SLC4A7: variants seen among roughly 807,000 people sequenced by gnomAD.
SLC4A7 encodes the protein solute carrier family 4 member 7.
SLC4A7 carries 51 observed loss-of-function variants against 137.6 expected under a neutral mutation model. That is an observed-to-expected ratio of 0.37 (90% confidence interval 0.30 to 0.47). SLC4A7 has a LOEUF of 0.47. Ranked by LOEUF, SLC4A7 falls within the 20% of genes least tolerant of loss-of-function variation. The pLI, the probability that SLC4A7 is intolerant of heterozygous loss-of-function variation, is 1.00. For synonymous variants in SLC4A7, 542 were observed against 518.6 expected, an observed-to-expected ratio of 1.05 and a Z score of -0.61; for missense variants, 1,247 against 1,525.4, an observed-to-expected ratio of 0.82 and a Z score of 3.04.
chr3:27,467,888 T>C (rs2059075030), intron 1 of SLC4A7, among the ~76,000 whole-genome samples: 1 of 152,238 alleles, frequency 6.6e-6, no homozygotes, highest in South Asian at 2.1e-4. Flanking sequence ...AAGCTGTACA[T>C]TTAATTTCAT....
At chr3:27,457,895 A>ACACT (rs2058494834) in intron 1 of SLC4A7, among the ~76,000 whole-genome samples, 1 of 152,172 alleles carries the variant, frequency 6.6e-6, no homozygotes, top group Non-Finnish European at 1.5e-5. Context: ...TGGGTAACAA[A>ACACT]CACTATCAGT....
At chr3:27,396,304 G>A (rs2052156192) in intron 18 of SLC4A7, among the ~76,000 whole-genome samples, 1 of 151,918 alleles carries the variant, frequency 6.6e-6, no homozygotes, top group Admixed American at 6.6e-5. Flanking sequence ...TCCTTGATTT[G>A]CTTCCTCAAG....
At chr3:27,390,326 AATTT>A (rs1389113887) in intron 21 of SLC4A7, 1 of 403,356 alleles carries the variant, frequency 2.5e-6, no homozygotes, top group Non-Finnish European at 4.4e-6. Context: ...GCACTGCTGT[AATTT>A]ATTTAATCAG....
At position 27,424,057 on chromosome 3, in the gene SLC4A7, T is replaced by C. The variant is rs746291192; in HGVS notation, c.1246A>G (p.Ser416Gly). 1.9e-6 allele frequency: 3 copies of C among 1,592,086 alleles called. No homozygotes were observed. The highest frequency in any genetic ancestry group is 3.3e-5 in the Admixed American group (2 of 59,770). Residue 416 changes from serine to glycine, a missense_variant, in exon 8 of 26, where the codon AGT becomes GGT. Ser to Gly is a moderately conservative substitution (Grantham distance 56). Transcript: ENST00000454389. ...ATTACCTTGCTGAAGTCAACAGTAC[T>C]ATTTTCTCTGCTTCCACCACTTCCA... ...GNGSGGSREN[S>G]TVDFSKVDMN...
intron 11 of SLC4A7, 88 bp downstream of exon 11, chr3:27,418,398 T>C (rs1221047819): frequency 9.7e-7 from 1 of 1,027,992 alleles, no homozygotes; most frequent in East Asian, 2.7e-5. Context: ...GGATAAAACT[T>C]CTCTGTTTTG....
intron 1 of SLC4A7, among the ~76,000 whole-genome samples, chr3:27,476,759 G>C (rs1409712720): frequency 6.6e-6 from 1 of 152,062 alleles, no homozygotes; most frequent in African/African-American, 2.4e-5. Context: ...AGTCCTCCTA[G>C]CCATGCTTCT....
At position 27,398,177 on chromosome 3, in the gene SLC4A7, T is replaced by TA. The variant is rs2052388570; in HGVS notation, c.2589+14_2589+15insT. ...TATGAATATTACCAGAATTCCAAAA[T>TA]TATATCACAGTTACCTTGGTAGGAA... On this transcript the variant is annotated intron_variant, in intron 17 of 25. Transcript: ENST00000454389. 6.3e-7 allele frequency: 1 copy of TA among 1,579,316 alleles called. No homozygotes were observed. Among genetic ancestry groups the TA allele is most frequent in the South Asian group, 1.2e-5 (1 of 86,500 alleles).
chr3:27,427,434 C>T (rs1258942743), intron 7 of SLC4A7, among the ~76,000 whole-genome samples: 2 of 151,708 alleles, frequency 1.3e-5, no homozygotes, highest in Non-Finnish European at 2.9e-5. Flanking sequence ...GCTACCATGC[C>T]CAGCCACAAG....
intron 20 of SLC4A7, 78 bp downstream of exon 20, chr3:27,394,440 T>C: frequency 7.8e-7 from 1 of 1,279,550 alleles, no homozygotes; most frequent in Non-Finnish European, 1.1e-6. Flanking sequence ...TTTAAGTATA[T>C]TTTAATGTTT....
At chr3:27,403,677 A>G (rs2053031500) in intron 14 of SLC4A7, among the ~76,000 whole-genome samples, 1 of 152,156 alleles carries the variant, frequency 6.6e-6, no homozygotes, top group African/African-American at 2.4e-5. Flanking sequence ...TAAATATTTC[A>G]AAATCATTAC....
intron 1 of SLC4A7, among the ~76,000 whole-genome samples, chr3:27,458,805 G>A (rs974642725): frequency 2.0e-5 from 3 of 151,912 alleles, no homozygotes; most frequent in Non-Finnish European, 4.4e-5. Context: ...CCTGGCCAAC[G>A]TGGTGAAACC....
chr3:27,372,828 A>T lies in SLC4A7; in HGVS notation c.*3936T>A, dbSNP rs2049648351. 6.5e-6 allele frequency: 1 copy of T among 152,676 alleles called. No individual in the cohort carries two copies. Among genetic ancestry groups the T allele is most frequent in the Non-Finnish European group, 1.5e-5 (1 of 68,044 alleles). The allele number at this position is 152,676 out of a possible 1,614,324, so 9.5% of individuals were successfully genotyped here. A position where few individuals can be genotyped will look rare whatever the true frequency, so the allele number is the denominator to read the frequency against. ...AATTTGAAAGGCAGGATGATTCACA[A>T]TATAGACCCAGTAGAGGCTTATACT... On this transcript the variant is annotated 3_prime_UTR_variant, in exon 26 of 26. Transcript: ENST00000454389.
chr3:27,390,030 C>T lies in SLC4A7; in HGVS notation c.3261G>A (p.Pro1087=), dbSNP rs747613260. ...QPDLIYLRYV[P]LWKVHIFTVI... is the part of the protein sequence containing the mutation. ...CTGTGAAAATATGGACCTTCCAGAG[C>T]GGCACATAACGGAGGTATATCAAAT... The change falls in exon 22 of 26, where the codon CCG becomes CCA. Residue 1087 remains proline, a synonymous_variant. Transcript: ENST00000454389. The T allele has an allele frequency of 1.5e-5, 24 of 1,611,974 alleles. No homozygotes were observed. The highest frequency in any genetic ancestry group is 1.1e-4 in the East Asian group (5 of 44,858).
chr3:27,420,714 G>T lies in SLC4A7; in HGVS notation c.1498C>A (p.Leu500Ile), dbSNP rs758507833. 1 of 1,611,158 alleles carries T rather than the reference G, an allele frequency of 6.2e-7. No homozygotes were observed. The highest frequency in any genetic ancestry group is 8.5e-7 in the Non-Finnish European group (1 of 1,177,404). ...YHEIGRSIAT[L>I]MTDEIFHDVA... ...ATTCTGATTACCTCATCTGTCATGA[G>T]AGTGGCTATTGATCGTCCAATTTCA... The change falls in exon 10 of 26, where the codon CTC becomes ATC. Residue 500 changes from leucine (L) to isoleucine (I), a missense_variant. By Grantham distance (5) the Leu-to-Ile change is conservative. This residue lies in a region of SLC4A7 where 499 missense variants were observed against 664.2 expected (regional missense o/e 0.75). Coordinates refer to ENST00000454389, the MANE Select transcript of SLC4A7 (RefSeq NM_001321103.2).
chr3:27,421,563 T>C (rs1000729355), intron 9 of SLC4A7, 59 bp downstream of exon 9: 2 of 1,334,222 alleles, frequency 1.5e-6, no homozygotes, highest in African/African-American at 1.5e-5. Context: ...ATTCGCTGGA[T>C]TAAAAACTTG....
chr3:27,473,588 G>A (rs1044672700), intron 1 of SLC4A7, among the ~76,000 whole-genome samples: 8 of 150,718 alleles, frequency 5.3e-5, no homozygotes, highest in African/African-American at 1.7e-4. Context: ...CGTGCCTGTA[G>A]TCCCAGCTAC....
chr3:27,407,110 C>CTTT (rs11312328), intron 13 of SLC4A7, among the ~76,000 whole-genome samples: 5 of 125,260 alleles, frequency 4.0e-5, no homozygotes, highest in African/African-American at 1.4e-4. Context: ...ATATGAAGAC[C>CTTT]TTTTTTTTTT....
intron 22 of SLC4A7, among the ~76,000 whole-genome samples, chr3:27,388,452 A>G (rs1261615218): frequency 6.6e-6 from 1 of 152,162 alleles, no homozygotes; most frequent in Non-Finnish European, 1.5e-5. Flanking sequence ...TTTAAAATTA[A>G]GCTTTTAACC....
Position 27,468,819 on chromosome 3 carries a change from T to C in SLC4A7, c.60+15248A>G, listed in dbSNP as rs185500652. Among the ~76,000 whole-genome samples, 3 of 152,252 alleles carry C rather than the reference T, an allele frequency of 2.0e-5. 1 individual carries two copies. The highest frequency in any genetic ancestry group is 6.5e-5 in the Admixed American group (1 of 15,288). ...GGTACAATATAAGCATTCAATGAAA[T>C]ACTAGGAGTGGGGCGTGATGGCTCA... is the stretch of plus-strand genomic sequence containing the variant. On this transcript the variant is annotated intron_variant, in intron 1 of 25. Transcript: ENST00000454389.
Sources: allele counts gnomAD v4.1 joint callset (sites outside exome capture counted in the v4.1 genomes callset), GRCh38; gene constraint gnomAD v4.1.1; regional missense constraint gnomAD v4.1.1; transcripts MANE v1.5; gene names NCBI Gene and HGNC (gene_info 2026-07-23, HGNC 2026-07-21).